HECW1: variants seen among roughly 807,000 people sequenced by gnomAD.
HECW1 encodes the protein HECT, C2 and WW domain containing E3 ubiquitin protein ligase 1, also known as E3 ubiquitin-protein ligase HECW1.
In HECW1, 61 loss-of-function variants were observed where a neutral mutation model predicts 182.3. The observed-to-expected ratio is 0.33, with a 90% CI of 0.27 to 0.41. The LOEUF is 0.41. Among genes scored for constraint, HECW1 ranks in the 10% least tolerant of loss-of-function variants. The pLI, the probability that HECW1 is intolerant of heterozygous loss-of-function variation, is 1.00. For synonymous variants in HECW1, 859 were observed against 832.6 expected, an observed-to-expected ratio of 1.03 and a Z score of -0.55; for missense variants, 1,739 against 2,108.9, an observed-to-expected ratio of 0.82 and a Z score of 3.44.
At chr7:43,512,943 G>A (rs993528548) in intron 24 of HECW1, among the ~76,000 whole-genome samples, 7 of 152,022 alleles carry the variant, frequency 4.6e-5, no homozygotes, top group Admixed American at 6.6e-5. Context: ...TTTATCCTTC[G>A]CTGACCTTCT....
chr7:43,126,595 C>T (rs79342263), intron 2 of HECW1, among the ~76,000 whole-genome samples: 1,824 of 152,220 alleles, frequency 0.012, 20 homozygotes, highest in Non-Finnish European at 0.02. Flanking sequence ...TACAGGTATA[C>T]CTTGTTTTAT....
At chr7:43,450,468 A>AC (rs1367589462) in intron 11 of HECW1, among the ~76,000 whole-genome samples, 3 of 152,084 alleles carry the variant, frequency 2.0e-5, no homozygotes, top group African/African-American at 7.2e-5. Context: ...TTTCCCTCAA[A>AC]CAGGCCTATT....
chr7:43,247,082 C>G (rs986634440), intron 3 of HECW1, among the ~76,000 whole-genome samples: 2 of 152,222 alleles, frequency 1.3e-5, no homozygotes, highest in African/African-American at 4.8e-5. Context: ...AAGAGAAGCA[C>G]AGCTCCATGT....
At chr7:43,155,900 A>G (rs1483949758) in intron 2 of HECW1, among the ~76,000 whole-genome samples, 1 of 152,210 alleles carries the variant, frequency 6.6e-6, no homozygotes, top group East Asian at 1.9e-4. Context: ...CTGTGCTCAC[A>G]AAGGTCTTTT....
At chr7:43,528,955 T>G (rs2080871044) in intron 24 of HECW1, among the ~76,000 whole-genome samples, 1 of 152,144 alleles carries the variant, frequency 6.6e-6, no homozygotes, top group African/African-American at 2.4e-5. Flanking sequence ...ACAATTTTTA[T>G]GGGGCATTGG....
intron 24 of HECW1, among the ~76,000 whole-genome samples, chr7:43,537,950 C>T (rs1404337902): frequency 6.6e-6 from 1 of 152,138 alleles, no homozygotes; most frequent in Non-Finnish European, 1.5e-5. Context: ...TAGGAAACCC[C>T]GTCGCCACAC....
At chr7:43,327,957 A>G (rs1477057992) in intron 5 of HECW1, among the ~76,000 whole-genome samples, 4 of 137,764 alleles carry the variant, frequency 2.9e-5, no homozygotes, top group Non-Finnish European at 4.6e-5. Flanking sequence ...TCTATGAACC[A>G]TTTATATTAT....
At chr7:43,372,517 G>GCTCCCCA (rs1401632995) in intron 6 of HECW1, among the ~76,000 whole-genome samples, 4 of 151,436 alleles carry the variant, frequency 2.6e-5, no homozygotes, top group African/African-American at 9.7e-5. Flanking sequence ...ATCCCTCCCC[G>GCTCCCCA]CTCCCCACTG....
At chr7:43,359,265 T>C (rs67151003) in intron 5 of HECW1, among the ~76,000 whole-genome samples, 4,993 of 152,304 alleles carry the variant, frequency 0.033, 96 homozygotes, top group Middle Eastern at 0.041. Flanking sequence ...ATAGGTGTTA[T>C]TCTGCCAGGG....
At chr7:43,244,752 A>G (rs1465064475) in intron 3 of HECW1, among the ~76,000 whole-genome samples, 4 of 152,202 alleles carry the variant, frequency 2.6e-5, no homozygotes, top group Non-Finnish European at 4.4e-5. Flanking sequence ...CTGCTCGGGT[A>G]ATACTCAGCC....
chr7:43,543,515 A>C (rs1049368186), intron 26 of HECW1, among the ~76,000 whole-genome samples: 1 of 152,238 alleles, frequency 6.6e-6, no homozygotes, highest in Non-Finnish European at 1.5e-5. Flanking sequence ...ACGGTGGCTC[A>C]CGCCTGTAAT....
chr7:43,211,711 G>A (rs1796026282), intron 2 of HECW1, among the ~76,000 whole-genome samples: 1 of 152,182 alleles, frequency 6.6e-6, no homozygotes, highest in South Asian at 2.1e-4. Context: ...TTTTGCCTGT[G>A]CATTACCCAC....
rs749316763 is a variant in HECW1 at position 43,169,435 on chromosome 7, G to A, written c.-32+55044G>A. Among the ~76,000 whole-genome samples, 3 of 152,116 alleles carry A rather than the reference G, an allele frequency of 2.0e-5. No homozygotes were observed. In the South Asian group the frequency reaches 6.2e-4, roughly 32 times the overall value. On this transcript the variant is annotated intron_variant, in intron 2 of 29. Transcript: ENST00000395891. ...ACTGTAAGGTGTAACAACCAAAAAT[G>A]TCTCCAGACATTGACGGATACCCCT...
chr7:43,535,585 C>A (rs1369423736), intron 24 of HECW1, among the ~76,000 whole-genome samples: 2 of 152,260 alleles, frequency 1.3e-5, no homozygotes, highest in East Asian at 3.9e-4. Flanking sequence ...TATATGTTTC[C>A]ATCAGAGGGG....
chr7:43,157,775 G>A (rs941943803), intron 2 of HECW1, among the ~76,000 whole-genome samples: 7 of 152,234 alleles, frequency 4.6e-5, no homozygotes, highest in African/African-American at 9.6e-5. Flanking sequence ...TGCCCAGGCC[G>A]GTCTTAATCT....
chr7:43,536,925 CG>C (rs1258737336), intron 24 of HECW1, among the ~76,000 whole-genome samples: 2 of 152,212 alleles, frequency 1.3e-5, no homozygotes, highest in African/African-American at 4.8e-5. Flanking sequence ...AGCACAGATG[CG>C]GGGCTGCAGC....
intron 3 of HECW1, among the ~76,000 whole-genome samples, chr7:43,268,095 C>T (rs989495399): frequency 1.6e-4 from 24 of 152,192 alleles, no homozygotes; most frequent in Non-Finnish European, 2.4e-4. Context: ...ATAATTTACG[C>T]ATTTATTTTA....
chr7:43,270,656 C>G (rs1318729199), intron 3 of HECW1, among the ~76,000 whole-genome samples: 4 of 152,090 alleles, frequency 2.6e-5, no homozygotes, highest in Admixed American at 2.6e-4. Flanking sequence ...GGCAAAAACT[C>G]TACCAAAACA....
At chr7:43,364,348 C>T (rs770084520) in intron 6 of HECW1, among the ~76,000 whole-genome samples, 2 of 152,218 alleles carry the variant, frequency 1.3e-5, no homozygotes, top group Non-Finnish European at 2.9e-5. Flanking sequence ...CTACTCTTGT[C>T]TTTCTGGGGC....
Sources: allele counts gnomAD v4.1 joint callset (sites outside exome capture counted in the v4.1 genomes callset), GRCh38; gene constraint gnomAD v4.1.1; transcripts MANE v1.5; gene names NCBI Gene and HGNC (gene_info 2026-07-23, HGNC 2026-07-21).